Variants in TMCC3 observed in about 807,000 individuals in gnomAD.
The protein encoded by TMCC3 is transmembrane and coiled-coil domain protein 3.
Under a neutral mutation model 40.2 loss-of-function variants are expected in TMCC3, and 28 were observed. The ratio of observed to expected loss-of-function variants is 0.70; its 90% CI spans 0.52 to 0.95. TMCC3 has a LOEUF of 0.95. TMCC3 is among the 40% of genes least tolerant of loss of function. The pLI is 0.00. For missense variants in TMCC3, 554 were observed against 615.2 expected, an observed-to-expected ratio of 0.90 and a Z score of 1.05; for synonymous variants, 255 against 248.5, an observed-to-expected ratio of 1.03 and a Z score of -0.25.
chr12:94,591,446 GA>G (rs35097467), intron 1 of TMCC3, among the ~76,000 whole-genome samples: 93,956 of 147,774 alleles, frequency 0.64, 29,650 homozygotes, highest in Admixed American at 0.67. Flanking sequence ...TTCCTCGTAG[GA>G]AAAAAAAAAA....
chr12:94,596,670 C>G (rs1434896847), intron 1 of TMCC3, among the ~76,000 whole-genome samples: 2 of 151,866 alleles, frequency 1.3e-5, no homozygotes, highest in Non-Finnish European at 2.9e-5. Context: ...CTATCATCTA[C>G]TAGGCCACCT....
Position 94,571,377 on chromosome 12 carries a change from C to G in TMCC3, c.*58G>C. On this transcript the variant is annotated 3_prime_UTR_variant, in exon 4 of 4. Transcript: ENST00000261226. Reference sequence around the variant, plus strand: ...ATTCACTGTAAAATTTGGTAGTATGCACAGAGTTTTCTTTAAAATAAAAAC... The same window carrying G: ...ATTCACTGTAAAATTTGGTAGTATGGACAGAGTTTTCTTTAAAATAAAAAC... The G allele has an allele frequency of 3.2e-6, 5 of 1,563,070 alleles. No individual in the cohort carries two copies. The highest frequency in any genetic ancestry group is 4.4e-6 in the Non-Finnish European group (5 of 1,149,304).
In TMCC3 at chr12:94,582,059, C is replaced by T. The variant is rs758569705; in HGVS notation, c.558G>A (p.Ser186=). Residue 186 remains serine (S), a synonymous_variant, in exon 2 of 4, where the codon TCG becomes TCA. Coordinates refer to ENST00000261226, the MANE Select transcript of TMCC3 (RefSeq NM_020698.4). The part of the protein sequence containing the change: ...TAPHCMESSK[S]GMPGVSLTPP... Reference sequence around the variant, plus strand: ...GAGTAAGTGAGACCCCTGGCATGCCCGATTTGCTGCTCTCCATGCAATGGG... The same window carrying T: ...GAGTAAGTGAGACCCCTGGCATGCCTGATTTGCTGCTCTCCATGCAATGGG... 2.0e-5 allele frequency: 33 copies of T among 1,613,998 alleles called. No individual in the cohort carries two copies. The highest frequency in any genetic ancestry group is 1.7e-4 in the Admixed American group (10 of 60,004).
Position 94,569,632 on chromosome 12 carries a change from TCA to T in TMCC3, c.*1801_*1802del. On this transcript the variant is annotated 3_prime_UTR_variant, in exon 4 of 4. Transcript: ENST00000261226. ...AAGTTTGTGAATTTACTAAAACCAC[TCA>T]ATTGTACGCTTAAAAAAAAAAGCAA... 1.3e-5 allele frequency: 2 copies of T among 152,212 alleles called. No homozygotes were observed. The highest frequency in any genetic ancestry group is 1.3e-4 in the Admixed American group (2 of 15,286). The allele number at this position is 152,212 out of a possible 1,614,324, so 9.4% of individuals were successfully genotyped here.
intron 3 of TMCC3, among the ~76,000 whole-genome samples, chr12:94,574,036 G>T (rs943012832): frequency 3.9e-5 from 6 of 152,196 alleles, no homozygotes; most frequent in African/African-American, 7.2e-5. Flanking sequence ...CAGGCATGCA[G>T]CACGTGCCAC....
chr12:94,581,158 A>G, intron 2 of TMCC3, among the ~76,000 whole-genome samples: 1 of 152,238 alleles, frequency 6.6e-6, no homozygotes, highest in African/African-American at 2.4e-5. Flanking sequence ...ACCCAAGTCT[A>G]AAGACAAAAT....
intron 1 of TMCC3, among the ~76,000 whole-genome samples, chr12:94,595,269 G>C (rs941510731): frequency 6.6e-6 from 1 of 152,118 alleles, no homozygotes; most frequent in African/African-American, 2.4e-5. Context: ...TAAGAGGCTA[G>C]GTATGTCATC....
intron 2 of TMCC3, among the ~76,000 whole-genome samples, chr12:94,580,177 T>C (rs1459973149): frequency 6.6e-6 from 1 of 152,242 alleles, no homozygotes; most frequent in Admixed American, 6.5e-5. Flanking sequence ...TAGAAGTTAA[T>C]GTATTATTAA....
At chr12:94,619,035 A>C (rs187175374) in intron 1 of TMCC3, among the ~76,000 whole-genome samples, 73 of 152,326 alleles carry the variant, frequency 4.8e-4, no homozygotes, top group South Asian at 6.2e-4. Flanking sequence ...TATTCCTCAG[A>C]CACTGACGAG....
intron 1 of TMCC3, chr12:94,598,751 A>G: frequency 2.0e-6 from 2 of 985,446 alleles, no homozygotes; most frequent in Non-Finnish European, 2.4e-6. Flanking sequence ...TTCGTGTTTC[A>G]GGCAGAGAAC....
chr12:94,630,496 C>T (rs1196826742), intron 1 of TMCC3, among the ~76,000 whole-genome samples: 4 of 152,038 alleles, frequency 2.6e-5, no homozygotes, highest in Admixed American at 6.6e-5. Flanking sequence ...CTGGACAAGT[C>T]GCTTAACCCC....
intron 3 of TMCC3, 36 bp downstream of exon 3, chr12:94,578,358 G>C (rs1370347927): frequency 3.1e-6 from 5 of 1,606,796 alleles, no homozygotes; most frequent in Non-Finnish European, 4.3e-6. Flanking sequence ...CTCGGGAAGA[G>C]CCCAGGCCTG....
Position 94,571,338 on chromosome 12 carries a change from G to A in TMCC3, c.*97C>T, listed in dbSNP as rs554488372. 4.3e-5 allele frequency: 55 copies of A among 1,272,718 alleles called. No individual in the cohort carries two copies. Among genetic ancestry groups the A allele is most frequent in the South Asian group, 3.2e-4 (22 of 69,260 alleles). The allele number at this position is 1,272,718 out of a possible 1,614,324, so 78.8% of individuals were successfully genotyped here. Reference sequence around the variant, plus strand: ...CACAGTCCTAGTTTTTCTTACACACGAGTCCGCACAATCATTCACTGTAAA... The same window carrying A: ...CACAGTCCTAGTTTTTCTTACACACAAGTCCGCACAATCATTCACTGTAAA... On this transcript the variant is annotated 3_prime_UTR_variant, in exon 4 of 4. Transcript: ENST00000261226.
chr12:94,606,548 G>T (rs896596965), intron 1 of TMCC3, among the ~76,000 whole-genome samples: 1 of 151,938 alleles, frequency 6.6e-6, no homozygotes, highest in African/African-American at 2.4e-5. Context: ...TGTATTTTTA[G>T]TAGAGATGGG....
In TMCC3 at chr12:94,569,598, T is replaced by C. The variant is rs1472335210; in HGVS notation, c.*1837A>G. ...TGAGTCTGGAATTAGATAGTGGTGA[T>C]GGTTGAACAAGTTTGTGAATTTACT... On this transcript the variant is annotated 3_prime_UTR_variant, in exon 4 of 4. Coordinates refer to ENST00000261226, the MANE Select transcript of TMCC3 (RefSeq NM_020698.4). The C allele has an allele frequency of 6.6e-6, 1 of 152,136 alleles. No homozygotes were observed. The highest frequency in any genetic ancestry group is 1.5e-5 in the Non-Finnish European group (1 of 68,024). 9.4% of individuals were successfully genotyped at this position (152,136 alleles called of 1,614,324 possible).
chr12:94,599,992 C>A (rs1206550997), intron 1 of TMCC3, among the ~76,000 whole-genome samples: 2 of 151,960 alleles, frequency 1.3e-5, no homozygotes, highest in African/African-American at 2.4e-5. Flanking sequence ...GAGTTGGAGG[C>A]CAGCCTGGGT....
intron 1 of TMCC3, among the ~76,000 whole-genome samples, chr12:94,632,427 T>TA (rs1464099787): frequency 6.6e-6 from 1 of 152,206 alleles, no homozygotes; most frequent in Non-Finnish European, 1.5e-5. Context: ...TGCTTTCAGG[T>TA]AAAATTAAAG....
At position 94,593,400 on chromosome 12, in the gene TMCC3, A is replaced by AG. The variant is rs369288960; in HGVS notation, c.79-10863dup. On this transcript the variant is annotated intron_variant, in intron 1 of 3. Coordinates refer to ENST00000261226, the MANE Select transcript of TMCC3 (RefSeq NM_020698.4). ...AAAGAAAAGAAAGAAGAAAGAAGAA[A>AG]GAAGAAGAAGGAAGAAGAAGAAGGA... 1.3e-4 allele frequency among the ~76,000 whole-genome samples: 4 copies of AG among 30,254 alleles called. 1 individual carries two copies. Among genetic ancestry groups the AG allele is most frequent in the Admixed American group, 3.5e-4 (1 of 2,886 alleles). The allele number at this position is 30,254 out of a possible 152,430, so 19.8% of individuals were successfully genotyped here. A position where few individuals can be genotyped will look rare whatever the true frequency, so the allele number is the denominator to read the frequency against.
chr12:94,587,762 A>C (rs2068646510), intron 1 of TMCC3, among the ~76,000 whole-genome samples: 1 of 152,256 alleles, frequency 6.6e-6, no homozygotes, highest in Non-Finnish European at 1.5e-5. Flanking sequence ...CCAAAGTGTT[A>C]ACAATGCTGA....
Sources: allele counts gnomAD v4.1 joint callset (sites outside exome capture counted in the v4.1 genomes callset), GRCh38; gene constraint gnomAD v4.1.1; transcripts MANE v1.5; gene names NCBI Gene and HGNC (gene_info 2026-07-23, HGNC 2026-07-21).